ZNF484: variants seen among roughly 807,000 people sequenced by gnomAD.
ZNF484 encodes KRAB box containing C2H2 type zinc finger bA526D8.4.
In ZNF484, 11 loss-of-function variants were observed where a neutral mutation model predicts 12.9. The observed-to-expected ratio is 0.85, with a 90% CI of 0.54 to 1.41. ZNF484 has a LOEUF of 1.41. Among genes scored for constraint, ZNF484 ranks in the 40% most tolerant of loss-of-function variants. The pLI, the probability that ZNF484 is intolerant of heterozygous loss-of-function variation, is 0.00. For missense variants in ZNF484, 807 were observed against 1,007.7 expected (o/e 0.80, Z 2.70); for synonymous variants, 289 against 334.1 (o/e 0.86, Z 1.47).
chr9:92,846,390 A>C lies in ZNF484; in HGVS notation c.2397T>G (p.Thr799=). 2 of 1,614,146 alleles carry C rather than the reference A, an allele frequency of 1.2e-6. No homozygotes were observed. The highest frequency in any genetic ancestry group is 1.7e-6 in the Non-Finnish European group (2 of 1,180,002). The stretch of plus-strand genomic sequence containing the variant: ...CACTGCACTTATAGGGTTTCTGTTT[A>C]GTATGAATTTTCTGGTGTTTAATAA... ...SNLIKHQKIH[T]KQKPYKCSDL... is the part of the protein sequence containing the mutation. Residue 799 remains threonine (T), a synonymous_variant, in exon 5 of 5, where the codon ACT becomes ACG. Coordinates refer to ENST00000375495, the MANE Select transcript of ZNF484 (RefSeq NM_031486.4).
At chr9:92,863,334 A>G (rs1339580642) in intron 2 of ZNF484, among the ~76,000 whole-genome samples, 1 of 151,982 alleles carries the variant, frequency 6.6e-6, no homozygotes, top group African/African-American at 2.4e-5. Context: ...TACCTAGGTG[A>G]TGGCTTGATA....
chr9:92,863,933 G>A (rs1421166090), intron 2 of ZNF484, among the ~76,000 whole-genome samples: 1 of 152,174 alleles, frequency 6.6e-6, no homozygotes, highest in Non-Finnish European at 1.5e-5. Context: ...GAAAGAATCT[G>A]AAAAAGTTAC....
At chr9:92,857,846 G>A (rs1030414865) in intron 2 of ZNF484, among the ~76,000 whole-genome samples, 22 of 151,932 alleles carry the variant, frequency 1.4e-4, no homozygotes, top group African/African-American at 4.6e-4. Flanking sequence ...CTGCAGCCTC[G>A]ACCTGGGCTC....
chr9:92,853,764 G>A (rs1276107218), intron 4 of ZNF484, among the ~76,000 whole-genome samples: 1 of 152,208 alleles, frequency 6.6e-6, no homozygotes, highest in Non-Finnish European at 1.5e-5. Context: ...AGACCCCTGT[G>A]GGGGTGGTCA....
At chr9:92,851,730 T>C (rs1306203354) in intron 4 of ZNF484, among the ~76,000 whole-genome samples, 1 of 152,220 alleles carries the variant, frequency 6.6e-6, no homozygotes. Context: ...AGTCTTTTCA[T>C]TTTCTCCATT....
At chr9:92,860,472 C>T (rs1048461965) in intron 2 of ZNF484, among the ~76,000 whole-genome samples, 12 of 151,748 alleles carry the variant, frequency 7.9e-5, no homozygotes, top group East Asian at 1.9e-4. Flanking sequence ...GGCATGGTGG[C>T]GGGCGCCTGT....
Position 92,848,607 on chromosome 9 carries a change from G to C in ZNF484, c.236-56C>G. On this transcript the variant is annotated intron_variant, in intron 4 of 4. Transcript: ENST00000375495. The surrounding 1 kb of genome is among the most constrained non-coding windows in gnomAD (Gnocchi z 4.1). Reference sequence around the variant, plus strand: ...AAAAGAACAATTAACAGAAAATAAGGCCAGGTGCGGTGGCTCATGCCTGTA... The same window carrying C: ...AAAAGAACAATTAACAGAAAATAAGCCCAGGTGCGGTGGCTCATGCCTGTA... 1 of 1,469,814 alleles carries C rather than the reference G, an allele frequency of 6.8e-7. No homozygotes were observed. Among genetic ancestry groups the C allele is most frequent in the Non-Finnish European group, 9.0e-7 (1 of 1,116,188 alleles). The allele number at this position is 1,469,814 out of a possible 1,614,324, so 91.0% of individuals were successfully genotyped here. A position where few individuals can be genotyped will look rare whatever the true frequency, so the allele number is the denominator to read the frequency against.
intron 3 of ZNF484, 116 bp downstream of exon 3, chr9:92,856,076 G>C: frequency 1.4e-6 from 2 of 1,431,830 alleles, no homozygotes; most frequent in Non-Finnish European, 9.6e-7. Context: ...TAGATGTCCT[G>C]CAGTCTTTAG....
chr9:92,863,658 A>G (rs1389019983), intron 2 of ZNF484, among the ~76,000 whole-genome samples: 1 of 152,236 alleles, frequency 6.6e-6, no homozygotes, highest in African/African-American at 2.4e-5. Context: ...TTCGTTTTGT[A>G]TACTCTGAGA....
At chr9:92,859,687 G>A (rs1389974617) in intron 2 of ZNF484, among the ~76,000 whole-genome samples, 1 of 152,180 alleles carries the variant, frequency 6.6e-6, no homozygotes, top group East Asian at 1.9e-4. Context: ...CTGTACTTCT[G>A]ACACCAATTC....
At position 92,866,630 on chromosome 9, in the gene ZNF484, C is replaced by T. The variant is rs1041542929; in HGVS notation, c.15+8385G>A. On this transcript the variant is annotated intron_variant, in intron 2 of 4. Coordinates refer to ENST00000375495, the MANE Select transcript of ZNF484 (RefSeq NM_031486.4). ...CAGAAATACCAGTTGACCCAGCCAT[C>T]CCATTACTGGGTATATACCCAAAGG... Among the ~76,000 whole-genome samples the T allele has an allele frequency of 2.4e-4, 37 of 152,196 alleles. 1 individual carries two copies.
chr9:92,857,178 CTGTTT>C (rs560043434), intron 2 of ZNF484, among the ~76,000 whole-genome samples: 73 of 152,318 alleles, frequency 4.8e-4, no homozygotes, highest in African/African-American at 1.7e-3. Flanking sequence ...TTGAAATCAT[CTGTTT>C]CAAAGCACTG....
At chr9:92,854,284 T>G (rs542684223) in intron 4 of ZNF484, among the ~76,000 whole-genome samples, 1 of 152,190 alleles carries the variant, frequency 6.6e-6, no homozygotes, top group Non-Finnish European at 1.5e-5. Flanking sequence ...GGTAGGGATG[T>G]GGGGAACTAA....
rs1472973086 is a variant in ZNF484, at chr9:92,847,135, T to C, written c.1652A>G (p.His551Arg). ...TTTCCCACATTCACTGCATTCATAA[T>C]GTCTCTCTCCAGTATGACACTTCTG... ...IHQKCHTGER[H>R]YECSECGKAF... is the part of the protein sequence containing the mutation. Residue 551 changes from histidine to arginine, a missense_variant, in exon 5 of 5, where the codon CAT (histidine) becomes CGT (arginine). By Grantham distance (29) the His-to-Arg change is conservative. Coordinates refer to ENST00000375495, the MANE Select transcript of ZNF484 (RefSeq NM_031486.4). The C allele has an allele frequency of 3.1e-6, 5 of 1,613,988 alleles. No homozygotes were observed. Among genetic ancestry groups the C allele is most frequent in the African/African-American group, 2.7e-5 (2 of 74,920 alleles).
Position 92,856,143 on chromosome 9 carries a change from A to G in ZNF484, c.142+49T>C, listed in dbSNP as rs1212825210. The G allele has an allele frequency of 1.9e-6, 3 of 1,600,598 alleles. No individual in the cohort carries two copies. In the East Asian group the frequency reaches 6.7e-5, roughly 36 times the overall value. ...CAGCAATTCTACTGAGAAGAAAAAT[A>G]TACTCAATTAGGTGCAGCCTACTCT... On this transcript the variant is annotated intron_variant, in intron 3 of 4. Coordinates refer to ENST00000375495, the MANE Select transcript of ZNF484 (RefSeq NM_031486.4).
At chr9:92,871,170 TA>T (rs1163414727) in intron 2 of ZNF484, among the ~76,000 whole-genome samples, 1 of 152,032 alleles carries the variant, frequency 6.6e-6, no homozygotes, top group Non-Finnish European at 1.5e-5. Flanking sequence ...GTAGTCCTCA[TA>T]AAAATGTTTT....
At chr9:92,858,985 G>C (rs1856625661) in intron 2 of ZNF484, among the ~76,000 whole-genome samples, 1 of 152,174 alleles carries the variant, frequency 6.6e-6, no homozygotes, top group South Asian at 2.1e-4. Flanking sequence ...AATTAGCTGG[G>C]TGTGGTGGTG....
Position 92,846,415 on chromosome 9 carries a change from AGATTT to A in ZNF484, c.2367_2371del (p.Asn790TyrfsTer2), listed in dbSNP as rs1855597062. 5 of 1,614,050 alleles carry A rather than the reference AGATTT, an allele frequency of 3.1e-6. No individual in the cohort carries two copies. The South Asian group carries it at 3.3e-5, about 11-fold the overall frequency. ...AGTATGAATTTTCTGGTGTTTAATAAGATTTGATCTGATGGTGAAGGCCTTTCCAC... is the reference window on the plus strand; with the variant it reads ...AGTATGAATTTTCTGGTGTTTAATAAGATCTGATGGTGAAGGCCTTTCCAC... On this transcript the variant is annotated frameshift_variant, in exon 5 of 5. Transcript: ENST00000375495. LOFTEE classifies it low-confidence loss of function (END_TRUNC).
chr9:92,856,190 A>T lies in ZNF484; in HGVS notation c.142+2T>A. ...CTCTATACCCAGCAGAGCCGTGCTT[A>T]CCCACTGAGATCAAGTTGAAATAGT... On this transcript the variant is annotated splice_donor_variant, in intron 3 of 4. Transcript: ENST00000375495. LOFTEE classifies it high-confidence loss of function. 6.2e-7 allele frequency: 1 copy of T among 1,613,822 alleles called. No individual in the cohort carries two copies. Among genetic ancestry groups the T allele is most frequent in the Non-Finnish European group, 8.5e-7 (1 of 1,179,936 alleles).
Sources: allele counts gnomAD v4.1 joint callset (sites outside exome capture counted in the v4.1 genomes callset), GRCh38; gene constraint gnomAD v4.1.1; non-coding constraint Gnocchi (gnomAD v3.1); transcripts MANE v1.5; gene names NCBI Gene and HGNC (gene_info 2026-07-23, HGNC 2026-07-21).